Variants in EFCAB6 observed in about 807,000 individuals in gnomAD.
EFCAB6 encodes the protein EF-hand calcium binding domain 6.
Under a neutral mutation model 169.8 loss-of-function variants are expected in EFCAB6, and 156 were observed. The ratio of observed to expected loss-of-function variants is 0.92; its 90% CI spans 0.81 to 1.05. EFCAB6 has a LOEUF of 1.05. Among genes scored for constraint, EFCAB6 ranks in the 50% least tolerant of loss-of-function variants. The probability of loss-of-function intolerance (pLI) is 0.00; values close to 1 mark genes in which losing one functional copy is unlikely to be tolerated. For missense variants in EFCAB6, 1,800 were observed against 1,829.1 expected (o/e 0.98, Z 0.29); for synonymous variants, 698 against 676.4 (o/e 1.03, Z -0.50).
chr22:43,622,260 T>G (rs2054161260), intron 20 of EFCAB6, among the ~76,000 whole-genome samples: 1 of 152,204 alleles, frequency 6.6e-6, no homozygotes. Context: ...AATCACTTAT[T>G]TTCTTTATAA....
At chr22:43,800,951 C>T (rs891082779) in intron 2 of EFCAB6, among the ~76,000 whole-genome samples, 3 of 152,134 alleles carry the variant, frequency 2.0e-5, no homozygotes, top group African/African-American at 7.2e-5. Flanking sequence ...CCTTCCAAGA[C>T]TTGAGAAAGA....
At chr22:43,794,008 C>T (rs926914698) in intron 2 of EFCAB6, among the ~76,000 whole-genome samples, 10 of 152,114 alleles carry the variant, frequency 6.6e-5, no homozygotes, top group African/African-American at 2.4e-4. Flanking sequence ...TGAACCAGCA[C>T]TTTGAGACCT....
chr22:43,693,966 G>T (rs529794249), intron 10 of EFCAB6, among the ~76,000 whole-genome samples: 74 of 151,766 alleles, frequency 4.9e-4, no homozygotes, highest in African/African-American at 1.6e-3. Context: ...ACAATAAAAA[G>T]AACTAAATGG....
At chr22:43,652,792 A>C (rs1488478599) in intron 17 of EFCAB6, among the ~76,000 whole-genome samples, 5 of 150,476 alleles carry the variant, frequency 3.3e-5, no homozygotes, top group Non-Finnish European at 5.9e-5. Flanking sequence ...ACAGATCTAC[A>C]GGTGATCCAG....
intron 29 of EFCAB6, 185 bp from the exon 30 acceptor site, chr22:43,535,057 A>G (rs1052596216): frequency 3.2e-6 from 2 of 616,144 alleles, no homozygotes; most frequent in Non-Finnish European, 5.5e-6. Flanking sequence ...TAAGTGCCGC[A>G]GGGAGGGGGA....
intron 25 of EFCAB6, among the ~76,000 whole-genome samples, chr22:43,577,724 C>T (rs1201989270): frequency 1.3e-5 from 2 of 152,066 alleles, no homozygotes; most frequent in Non-Finnish European, 2.9e-5. Flanking sequence ...GCAATGGCAG[C>T]GGCAGGCTCA....
chr22:43,782,629 G>A (rs2061865894), intron 2 of EFCAB6, among the ~76,000 whole-genome samples: 1 of 152,186 alleles, frequency 6.6e-6, no homozygotes, highest in African/African-American at 2.4e-5. Flanking sequence ...GCAGTAAGGG[G>A]AAGAAAGTTT....
At chr22:43,646,694 A>C (rs1381825746) in intron 17 of EFCAB6, among the ~76,000 whole-genome samples, 1 of 152,248 alleles carries the variant, frequency 6.6e-6, no homozygotes. Flanking sequence ...AATAAAAATA[A>C]ATTCTCTGAT....
intron 10 of EFCAB6, among the ~76,000 whole-genome samples, chr22:43,695,031 A>G (rs77464493): frequency 0.034 from 5,242 of 152,124 alleles, 338 homozygotes; most frequent in African/African-American, 0.12. Context: ...AGAAAACAAA[A>G]TAAGAGGCAT....
chr22:43,571,069 C>A (rs983076141), intron 26 of EFCAB6, among the ~76,000 whole-genome samples: 3 of 152,200 alleles, frequency 2.0e-5, no homozygotes, highest in African/African-American at 7.2e-5. Context: ...GCAGGAAGCC[C>A]GCGGCCCTTG....
intron 6 of EFCAB6, among the ~76,000 whole-genome samples, chr22:43,740,491 G>A (rs542644922): frequency 9.2e-5 from 14 of 152,204 alleles, no homozygotes; most frequent in Admixed American, 2.0e-4. Context: ...GACCAATCCT[G>A]AGTGCAGTCA....
intron 2 of EFCAB6, chr22:43,802,448 T>C (rs1569495940): frequency 4.4e-6 from 1 of 227,500 alleles, no homozygotes; most frequent in Non-Finnish European, 8.7e-6. Flanking sequence ...GGAGAATTGC[T>C]TGAACCCAGG....
At chr22:43,783,801 T>A (rs536625010) in intron 2 of EFCAB6, among the ~76,000 whole-genome samples, 30 of 152,342 alleles carry the variant, frequency 2.0e-4, no homozygotes, top group Admixed American at 1.6e-3. Context: ...CTCATCTCTG[T>A]AATCCCAGCA....
At chr22:43,790,539 A>C (rs2062244958) in intron 2 of EFCAB6, among the ~76,000 whole-genome samples, 1 of 152,240 alleles carries the variant, frequency 6.6e-6, no homozygotes, top group Non-Finnish European at 1.5e-5. Context: ...TTAAGCAAAG[A>C]TCTAAAGGAG....
At chr22:43,565,071 G>C (rs1017144386) in intron 26 of EFCAB6, among the ~76,000 whole-genome samples, 1 of 152,192 alleles carries the variant, frequency 6.6e-6, no homozygotes, top group Non-Finnish European at 1.5e-5. Flanking sequence ...CCCGCCCCTT[G>C]GCTTTGGATT....
intron 8 of EFCAB6, among the ~76,000 whole-genome samples, chr22:43,722,210 C>T (rs1019875702): frequency 4.6e-5 from 7 of 151,984 alleles, no homozygotes; most frequent in Non-Finnish European, 5.9e-5. Context: ...CCATCTTACA[C>T]CAATCAGATT....
chr22:43,680,489 A>C (rs2057961811), intron 12 of EFCAB6, among the ~76,000 whole-genome samples: 1 of 152,112 alleles, frequency 6.6e-6, no homozygotes, highest in Admixed American at 6.5e-5. Context: ...AAAAGAAAAA[A>C]AAAAGCCAGC....
chr22:43,695,245 T>C (rs1244464811), intron 10 of EFCAB6, among the ~76,000 whole-genome samples: 1 of 152,058 alleles, frequency 6.6e-6, no homozygotes, highest in East Asian at 1.9e-4. Flanking sequence ...AAAAATTCCA[T>C]GTACAGTTTC....
chr22:43,757,528 C>T (rs1047301888), intron 5 of EFCAB6, among the ~76,000 whole-genome samples: 13 of 152,200 alleles, frequency 8.5e-5, no homozygotes, highest in Admixed American at 7.9e-4. Flanking sequence ...ACCCGGACAA[C>T]AACAGCGAAA....
Sources: gnomAD v4.1 joint callset for allele counts (sites outside exome capture counted in the v4.1 genomes callset) on GRCh38, gnomAD v4.1.1 for gene constraint, MANE v1.5 for transcripts, NCBI Gene and HGNC (gene_info 2026-07-23, HGNC 2026-07-21) for gene names.